FTSJ3: variants seen among roughly 807,000 people sequenced by gnomAD.
The protein encoded by FTSJ3 is FtsJ RNA 2'-O-methyltransferase 3, also known as pre-rRNA 2'-O-ribose RNA methyltransferase FTSJ3.
FTSJ3 carries 46 observed loss-of-function variants against 111.5 expected under a neutral mutation model. The observed-to-expected ratio is 0.41, with a 90% confidence interval of 0.33 to 0.53. The LOEUF is 0.53. Ranked by LOEUF, FTSJ3 falls within the 20% of genes least tolerant of loss-of-function variation. The probability of loss-of-function intolerance (pLI) is 0.19; values close to 1 mark genes in which losing one functional copy is unlikely to be tolerated. For synonymous variants in FTSJ3, 408 were observed against 383.0 expected (o/e 1.07, Z -0.76); for missense variants, 1,075 against 1,063.8 (o/e 1.01, Z -0.15).
At chr17:63,826,027 G>T in intron 5 of FTSJ3, 29 bp downstream of exon 5, 1 of 1,546,838 alleles carries the variant, frequency 6.5e-7, no homozygotes, top group Non-Finnish European at 8.9e-7. Context: ...TCCGTATAAA[G>T]GGGGAAGGAA....
At position 63,826,550 on chromosome 17, in the gene FTSJ3, T is replaced by C. The variant is rs1015162801; in HGVS notation, c.173+17A>G. The C allele has an allele frequency of 1.2e-6, 2 of 1,601,002 alleles. No individual in the cohort carries two copies. The highest frequency in any genetic ancestry group is 1.7e-6 in the Non-Finnish European group (2 of 1,168,528). ...GAAAGCGGCCACCAGGAGCAACCTG[T>C]GGCGAGTGTTACGAACCATCCCCCT... On this transcript the variant is annotated intron_variant, in intron 3 of 20. Coordinates refer to ENST00000427159, the MANE Select transcript of FTSJ3 (RefSeq NM_017647.4).
In FTSJ3 at chr17:63,824,155, TTCCTCC is replaced by T. The variant is rs753556041; in HGVS notation, c.1077_1082del (p.Glu365_Glu366del). The T allele has an allele frequency of 1.2e-6, 2 of 1,613,554 alleles. No homozygotes were observed. The highest frequency in any genetic ancestry group is 1.7e-6 in the Non-Finnish European group (2 of 1,179,790). ...GGTTCAGTTGTTCCTCCTCCTCCTC[TTCCTCC>T]TCCTCCTTAGAGGGCTGCTTTGTGG... On this transcript the variant is annotated inframe_deletion, in exon 12 of 21. Transcript: ENST00000427159.
chr17:63,822,586 CTG>C (rs968304826), intron 13 of FTSJ3, among the ~76,000 whole-genome samples: 1 of 152,254 alleles, frequency 6.6e-6, no homozygotes, highest in African/African-American at 2.4e-5. Flanking sequence ...TCCAACAAAA[CTG>C]TTCCACTTAA....
At chr17:63,821,314 C>A (rs1255502833) in intron 16 of FTSJ3, 40 bp downstream of exon 16, 2 of 1,574,118 alleles carry the variant, frequency 1.3e-6, no homozygotes, top group South Asian at 1.2e-5. Context: ...TTCAAGCCAC[C>A]GCTTCCTTTC....
intron 5 of FTSJ3, 194 bp downstream of exon 5, chr17:63,825,862 A>G: frequency 1.6e-6 from 1 of 634,342 alleles, no homozygotes; most frequent in South Asian, 2.0e-5. Context: ...CCCTTCTCCC[A>G]ATTCCAAACA....
chr17:63,820,090 T>C lies in FTSJ3; in HGVS notation c.2340A>G (p.Ala780=), dbSNP rs1392375308. 8.1e-6 allele frequency: 13 copies of C among 1,614,166 alleles called. No homozygotes were observed. The highest frequency in any genetic ancestry group is 1.1e-5 in the Non-Finnish European group (13 of 1,180,022). The change falls in exon 20 of 21, where the codon GCA becomes GCG. Residue 780 remains alanine (A), a synonymous_variant. Transcript: ENST00000427159. The stretch of plus-strand genomic sequence containing the variant: ...TGTCCTCCCATTACCTTCGCAGCTG[T>C]GCCACTTTCTCTCGTTCTGAGATGT... ...TVDISEREKV[A]QLRSLYKKAG...
chr17:63,826,788 G>A lies in FTSJ3; in HGVS notation c.67+48C>T, dbSNP rs1338044007. On this transcript the variant is annotated intron_variant, in intron 2 of 20. Transcript: ENST00000427159. ...AATGGTCGCAAAGAGCAGGCGAACC[G>A]GGCAGAGATCGCTCGCTCGCTCGCA... is the stretch of plus-strand genomic sequence containing the variant. The A allele has an allele frequency of 2.5e-6, 4 of 1,594,868 alleles. No homozygotes were observed. In the East Asian group the frequency reaches 6.7e-5, roughly 27 times the overall value.
chr17:63,826,590 GTCC>G lies in FTSJ3; in HGVS notation c.147_149del (p.Asp50del), dbSNP rs1471318124. 1 of 1,613,908 alleles carries G rather than the reference GTCC, an allele frequency of 6.2e-7. No individual in the cohort carries two copies. Among genetic ancestry groups the G allele is most frequent in the Non-Finnish European group, 8.5e-7 (1 of 1,179,822 alleles). On this transcript the variant is annotated inframe_deletion, in exon 3 of 21. Transcript: ENST00000427159. ...ACCATCCCCCTGGCGCAGCACACAGGTCCAGCAAGGCTCGGGCTTTCTGCAGGA... is the reference window on the plus strand; with the variant it reads ...ACCATCCCCCTGGCGCAGCACACAGGAGCAAGGCTCGGGCTTTCTGCAGGA...
chr17:63,821,973 G>A lies in FTSJ3; in HGVS notation c.1475+11C>T, dbSNP rs372896206. 25 of 1,613,774 alleles carry A rather than the reference G, an allele frequency of 1.5e-5. No homozygotes were observed. In the East Asian group the frequency reaches 2.0e-4, roughly 13 times the overall value. ...TGGCAGCATTCCCTTTGGTGCACAC[G>A]TGCCCCTTACCGCTTTTGGTCCCTT... is the stretch of plus-strand genomic sequence containing the variant. On this transcript the variant is annotated intron_variant, in intron 14 of 20. Transcript: ENST00000427159.
intron 5 of FTSJ3, 159 bp downstream of exon 5, chr17:63,825,897 G>T: frequency 1.5e-6 from 1 of 672,306 alleles, no homozygotes; most frequent in South Asian, 1.9e-5. Context: ...TCTAAATAAA[G>T]CCTGGAGTGG....
rs1274034893 is a variant in FTSJ3, at chr17:63,819,875, A to C, written c.2471T>G (p.Val824Gly). 5.6e-6 allele frequency: 9 copies of C among 1,613,766 alleles called. No homozygotes were observed. The highest frequency in any genetic ancestry group is 7.6e-6 in the Non-Finnish European group (9 of 1,179,994). ...TTGGTCCTTCTTCATCCTTGAGTCC[A>C]CCACCTTGAAATGACCTCTGACTCC... Reference protein sequence around the residue: ...PAGVRGHFKVVDSRMKKDQRA... With the variant: ...PAGVRGHFKVGDSRMKKDQRA... Residue 824 changes from valine to glycine, a missense_variant, in exon 21 of 21, where the codon GTG (valine) becomes GGG (glycine). This residue lies in a region of FTSJ3 where 867 missense variants were observed against 796.9 expected (regional missense o/e 1.09). Coordinates refer to ENST00000427159, the MANE Select transcript of FTSJ3 (RefSeq NM_017647.4).
chr17:63,822,439 T>C (rs946516637), intron 13 of FTSJ3, among the ~76,000 whole-genome samples: 1 of 152,180 alleles, frequency 6.6e-6, no homozygotes, highest in African/African-American at 2.4e-5. Context: ...ACAGCCCACA[T>C]AGCACCAAAT....
chr17:63,820,703 C>CGCTTGAACCTGGAAGACAG (rs3833114), intron 18 of FTSJ3, 136 bp downstream of exon 18: 6 of 639,662 alleles, frequency 9.4e-6, no homozygotes, highest in Middle Eastern at 3.8e-4. Context: ...CAAGGAGAAT[C>CGCTTGAACCTGGAAGACAG]AGGCTGCAGT....
intron 5 of FTSJ3, 92 bp downstream of exon 5, chr17:63,825,964 G>T (rs1420933007): frequency 7.5e-6 from 8 of 1,065,470 alleles, no homozygotes; most frequent in Non-Finnish European, 4.2e-6. Flanking sequence ...CGTGCTCAAA[G>T]CACGGTAAAA....
At position 63,824,669 on chromosome 17, in the gene FTSJ3, C is replaced by T. The variant is rs139717867; in HGVS notation, c.885G>A (p.Gln295=). The T allele has an allele frequency of 6.5e-5, 105 of 1,614,182 alleles. No homozygotes were observed. The African/African-American group carries it at 1.3e-3, about 20-fold the overall frequency. The part of the protein sequence containing the change: ...ATTEDIRVCC[Q]DIRVLGRKEL... Reference sequence around the variant, plus strand: ...CCTTGCGCCCCAACACTCTGATGTCCTGACAGCACACCCGTATGTCCTCAG... The same window carrying T: ...CCTTGCGCCCCAACACTCTGATGTCTTGACAGCACACCCGTATGTCCTCAG... The change falls in exon 10 of 21, where the codon CAG becomes CAA. Residue 295 remains glutamine (Q), a synonymous_variant. Coordinates refer to ENST00000427159, the MANE Select transcript of FTSJ3 (RefSeq NM_017647.4).
At chr17:63,825,803 T>G (rs1328309069) in intron 5 of FTSJ3, 168 bp from the exon 6 acceptor site, 1 of 651,758 alleles carries the variant, frequency 1.5e-6, no homozygotes, top group Admixed American at 2.8e-5. Context: ...TCATGGAGAT[T>G]ACAGTCTGAC....
At chr17:63,820,208 T>TTCCCC in intron 19 of FTSJ3, 35 bp from the exon 20 acceptor site, 3 of 694,916 alleles carry the variant, frequency 4.3e-6, no homozygotes, top group African/African-American at 2.7e-5. Flanking sequence ...CTCTTCCCCA[T>TTCCCC]CCCCCCACCC....
In FTSJ3 at chr17:63,819,638, C is replaced by G; in HGVS notation, c.*164G>C. The G allele has an allele frequency of 1.6e-6, 1 of 641,088 alleles. No homozygotes were observed. Among genetic ancestry groups the G allele is most frequent in the African/African-American group, 1.8e-5 (1 of 55,288 alleles). The allele number at this position is 641,088 out of a possible 1,614,324, so 39.7% of individuals were successfully genotyped here. On this transcript the variant is annotated 3_prime_UTR_variant, in exon 21 of 21. Transcript: ENST00000427159. ...CAGGCAGGCAGGAGGACATCCTCCTCTCTGCTCAGGACCACCACGGGAGTT... is the reference window on the plus strand; with the variant it reads ...CAGGCAGGCAGGAGGACATCCTCCTGTCTGCTCAGGACCACCACGGGAGTT...
chr17:63,825,287 G>C lies in FTSJ3; in HGVS notation c.550C>G (p.Gln184Glu). The stretch of plus-strand genomic sequence containing the variant: ...TCTGCAGATTCATGGCGAGAGGCTT[G>C]GGGCTTGGTGGCCTGGACACGGCGG... ...LFRRVQATKPQASRHESAEIF... is the reference protein window; with the variant it reads ...LFRRVQATKPEASRHESAEIF... The change falls in exon 7 of 21, where the codon CAA becomes GAA. Residue 184 changes from glutamine to glutamate, a missense_variant. Coordinates refer to ENST00000427159, the MANE Select transcript of FTSJ3 (RefSeq NM_017647.4). 2 of 1,614,204 alleles carry C rather than the reference G, an allele frequency of 1.2e-6. No homozygotes were observed. The highest frequency in any genetic ancestry group is 1.1e-5 in the South Asian group (1 of 91,086).
Sources: gnomAD v4.1 joint callset for allele counts (sites outside exome capture counted in the v4.1 genomes callset) on GRCh38, gnomAD v4.1.1 for gene constraint, gnomAD v4.1.1 regional missense constraint, MANE v1.5 for transcripts, NCBI Gene and HGNC (gene_info 2026-07-23, HGNC 2026-07-21) for gene names.